Variants in CD4 observed in about 807,000 individuals in gnomAD.
CD4 encodes the protein CD4 molecule.
CD4 carries 25 observed loss-of-function variants against 50.5 expected under a neutral mutation model. That is an observed-to-expected ratio of 0.49 (90% confidence interval 0.36 to 0.69). CD4 has a LOEUF of 0.69. Among genes scored for constraint, CD4 ranks in the 30% least tolerant of loss-of-function variants. CD4 has a pLI of 0.00. For synonymous variants in CD4, 207 were observed against 221.9 expected (o/e 0.93, Z 0.60); for missense variants, 456 against 548.5 (o/e 0.83, Z 1.68).
chr12:6,793,656 CT>C (rs1349974446), intron 1 of CD4, among the ~76,000 whole-genome samples: 1 of 39,408 alleles, frequency 2.5e-5, no homozygotes, highest in African/African-American at 8.3e-5. Flanking sequence ...TATCATCTAT[CT>C]ATCTATCTAT....
chr12:6,798,655 T>C (rs1942450214), intron 1 of CD4, among the ~76,000 whole-genome samples: 1 of 152,176 alleles, frequency 6.6e-6, no homozygotes, highest in Non-Finnish European at 1.5e-5. Flanking sequence ...ACAGTAACAA[T>C]CTGATCTCTC....
rs3032789 is a variant in CD4, at chr12:6,808,450, CAAAAAAAAAAAAAAA to C, written c.215-5674_215-5660del. Among the ~76,000 whole-genome samples, 36 of 37,818 alleles carry C rather than the reference CAAAAAAAAAAAAAAA, an allele frequency of 9.5e-4. 1 individual carries two copies. The highest frequency in any genetic ancestry group is 1.1e-3 in the African/African-American group (23 of 20,156). The allele number at this position is 37,818 out of a possible 152,430, so 24.8% of individuals were successfully genotyped here. A position where few individuals can be genotyped will look rare whatever the true frequency, so the allele number is the denominator to read the frequency against. On this transcript the variant is annotated intron_variant, in intron 3 of 9. Coordinates refer to ENST00000011653, the MANE Select transcript of CD4 (RefSeq NM_000616.5). ...TGGGTGACAAAGTGAGATTCTGTCT[CAAAAAAAAAAAAAAA>C]AAAAAAAAAAAAAAAAAGTGAAGTT...
In CD4 at chr12:6,818,614, T is replaced by C. The variant is rs1943177439; in HGVS notation, c.1278+72T>C. 6.3e-7 allele frequency: 1 copy of C among 1,589,482 alleles called. No individual in the cohort carries two copies. Among genetic ancestry groups the C allele is most frequent in the Non-Finnish European group, 8.6e-7 (1 of 1,163,798 alleles). ...GTCCTCTACCAGGAGATCCTGTATA[T>C]GGGAACTGATTTTGGCCCAGCTCCC... On this transcript the variant is annotated intron_variant, in intron 8 of 9. Transcript: ENST00000011653. This position sits in a 1 kb window ranked among gnomAD's most constrained non-coding sequence, Gnocchi z 5.0.
rs1269723727 is a variant in CD4, at chr12:6,816,023, C to T, written c.608-33C>T. ...CTCGTGCACCCTCATCTTCCTATCT[C>T]CTCACCCAGGGTCTCTCCCTTCCCA... On this transcript the variant is annotated intron_variant, in intron 5 of 9. Transcript: ENST00000011653. The surrounding 1 kb of genome is among the most constrained non-coding windows in gnomAD (Gnocchi z 4.9). The T allele has an allele frequency of 2.5e-6, 4 of 1,613,174 alleles. No individual in the cohort carries two copies. Among genetic ancestry groups the T allele is most frequent in the Middle Eastern group, 1.6e-4 (1 of 6,084 alleles).
chr12:6,816,205 A>G lies in CD4; in HGVS notation c.757A>G (p.Thr253Ala), dbSNP rs1320855271. The G allele has an allele frequency of 3.7e-6, 6 of 1,614,008 alleles. No homozygotes were observed. Among genetic ancestry groups the G allele is most frequent in the Non-Finnish European group, 4.2e-6 (5 of 1,180,012 alleles). The change falls in exon 6 of 10, where the codon ACC becomes GCC. Residue 253 changes from threonine to alanine, a missense_variant. Physicochemically the swap from Thr to Ala is moderately conservative, Grantham distance 58. Transcript: ENST00000011653. This position sits in a 1 kb window ranked among gnomAD's most constrained non-coding sequence, Gnocchi z 4.9. The stretch of plus-strand genomic sequence containing the variant: ...GGCTTCCTCCTCCAAGTCTTGGATC[A>G]CCTTTGACCTGAAGAACAAGGAAGT... ...ERASSSKSWITFDLKNKEVSV... is the reference protein window; with the variant it reads ...ERASSSKSWIAFDLKNKEVSV...
At chr12:6,793,991 T>TATCTATCTATC (rs1169400789) in intron 1 of CD4, among the ~76,000 whole-genome samples, 1 of 151,608 alleles carries the variant, frequency 6.6e-6, no homozygotes, top group Non-Finnish European at 1.5e-5. Flanking sequence ...TCTATCTATC[T>TATCTATCTATC]ATCTATCTAT....
chr12:6,798,748 A>C (rs370828403), intron 1 of CD4: 3 of 152,306 alleles, frequency 2.0e-5, no homozygotes, highest in African/African-American at 7.2e-5. Context: ...ACATTTCTAC[A>C]GCCACTTGGC....
intron 1 of CD4, among the ~76,000 whole-genome samples, chr12:6,793,393 C>T (rs959097234): frequency 6.6e-6 from 1 of 152,098 alleles, no homozygotes; most frequent in Non-Finnish European, 1.5e-5. Context: ...GGAGACTTCC[C>T]CTCTTTCATC....
At chr12:6,819,171 C>A in intron 9 of CD4, 128 bp from the exon 10 acceptor site, 1 of 937,096 alleles carries the variant, frequency 1.1e-6, no homozygotes, top group Non-Finnish European at 1.7e-6. Flanking sequence ...GAAGGAGCAG[C>A]AGGCCAGGAA....
intron 7 of CD4, among the ~76,000 whole-genome samples, chr12:6,817,929 A>T (rs1943134760): frequency 6.6e-6 from 1 of 151,700 alleles, no homozygotes; most frequent in Non-Finnish European, 1.5e-5. Context: ...GTACACGTAC[A>T]CTCACACACT....
intron 1 of CD4, among the ~76,000 whole-genome samples, chr12:6,793,930 G>A (rs979596549): frequency 6.8e-6 from 1 of 147,962 alleles, no homozygotes; most frequent in Non-Finnish European, 1.5e-5. Flanking sequence ...TGGATTATAG[G>A]TATGAGCCAC....
Position 6,792,817 on chromosome 12 carries a change from C to T in CD4, c.-68+3155C>T, listed in dbSNP as rs1000745386. ...AGGCAAGGGGCATTCCAGGGGAGCC[C>T]GGGAGAGCCAGCACGGCCGCCTGGT... On this transcript the variant is annotated intron_variant, in intron 1 of 9. Transcript: ENST00000011653. The surrounding 1 kb of genome is among the most constrained non-coding windows in gnomAD (Gnocchi z 4.1). 9.9e-5 allele frequency among the ~76,000 whole-genome samples: 15 copies of T among 152,080 alleles called. No individual in the cohort carries two copies. The highest frequency in any genetic ancestry group is 7.9e-4 in the Admixed American group (12 of 15,274).
At chr12:6,793,649 C>CATCTATCTATCT (rs56153037) in intron 1 of CD4, among the ~76,000 whole-genome samples, 2 of 128,206 alleles carry the variant, frequency 1.6e-5, no homozygotes, top group Non-Finnish European at 3.2e-5. Flanking sequence ...ATCTATCTAT[C>CATCTATCTATCT]ATCTATCTAT....
chr12:6,801,494 G>A (rs61916278), intron 3 of CD4, among the ~76,000 whole-genome samples: 61,943 of 141,610 alleles, frequency 0.44, 13,661 homozygotes, highest in East Asian at 0.61. Flanking sequence ...TCCAGCCTGG[G>A]TGACAGAGCA....
At position 6,816,425 on chromosome 12, in the gene CD4, G is replaced by A. The variant is rs1047133714; in HGVS notation, c.955+22G>A. 6.4e-7 allele frequency: 1 copy of A among 1,571,596 alleles called. No homozygotes were observed. Among genetic ancestry groups the A allele is most frequent in the Non-Finnish European group, 8.7e-7 (1 of 1,152,594 alleles). ...AGAGGTGAGGGGCCAGGCCAGGGAG[G>A]GGTGGGCAGGGGAAGGAGTTGGAGG... On this transcript the variant is annotated intron_variant, in intron 6 of 9. Transcript: ENST00000011653. The surrounding 1 kb of genome is among the most constrained non-coding windows in gnomAD (Gnocchi z 4.9).
intron 3 of CD4, among the ~76,000 whole-genome samples, chr12:6,806,480 A>G (rs1003456626): frequency 6.6e-6 from 1 of 152,136 alleles, no homozygotes; most frequent in African/African-American, 2.4e-5. Context: ...CCCTATATCA[A>G]AAAAGAAGAA....
At position 6,819,714 on chromosome 12, in the gene CD4, G is replaced by T. The variant is rs199875333; in HGVS notation, c.*385G>T. 12 of 221,446 alleles carry T rather than the reference G, an allele frequency of 5.4e-5. No homozygotes were observed. Among genetic ancestry groups the T allele is most frequent in the Non-Finnish European group, 9.8e-5 (11 of 111,736 alleles). 13.7% of individuals were successfully genotyped at this position (221,446 alleles called of 1,614,324 possible). ...ATGGGACTGTTCTTTTACAAGACAG[G>T]ACCCTGGGACCACAGAGGGCAGGAA... On this transcript the variant is annotated 3_prime_UTR_variant, in exon 10 of 10. Transcript: ENST00000011653.
intron 3 of CD4, among the ~76,000 whole-genome samples, chr12:6,803,986 C>G (rs2137875531): frequency 6.7e-6 from 1 of 149,270 alleles, no homozygotes; most frequent in South Asian, 2.1e-4. Context: ...TGGCACACAC[C>G]TATAGTCCCA....
At chr12:6,795,815 C>T (rs889987726) in intron 1 of CD4, among the ~76,000 whole-genome samples, 5 of 152,202 alleles carry the variant, frequency 3.3e-5, no homozygotes, top group African/African-American at 4.8e-5. Context: ...CCTTCCATCT[C>T]ATCTCTGAAA....
Sources: gnomAD v4.1 joint callset for allele counts (sites outside exome capture counted in the v4.1 genomes callset) on GRCh38, gnomAD v4.1.1 for gene constraint, Gnocchi (gnomAD v3.1) non-coding constraint, MANE v1.5 for transcripts, NCBI Gene and HGNC (gene_info 2026-07-23, HGNC 2026-07-21) for gene names.